Variants in TMEM272 observed in about 807,000 individuals in gnomAD.
TMEM272 encodes transmembrane protein 272, also known as long intergenic non-protein coding RNA 282.
Under a neutral mutation model 3.7 loss-of-function variants are expected in TMEM272, and 8 were observed. The observed-to-expected ratio is 2.17, with a 90% CI of 1.27 to 3.91. The LOEUF (loss-of-function observed/expected upper bound fraction) is 3.91, where lower values mean the gene tolerates loss of function less well. Among genes scored for constraint, TMEM272 ranks in the 30% most tolerant of loss-of-function variants. TMEM272 has a pLI of 0.00. For synonymous variants in TMEM272, 63 were observed against 39.8 expected (o/e 1.58, Z -2.20); for missense variants, 166 against 91.5 (o/e 1.81, Z -3.32).
the TMEM272 span, among the ~76,000 whole-genome samples, chr13:51,854,849 T>C: frequency 6.6e-6 from 1 of 152,356 alleles, no homozygotes; most frequent in South Asian, 2.1e-4. Flanking sequence ...TTGGGCCTTT[T>C]GGTCAGGTCA....
At chr13:51,849,171 G>A (rs1200985410), upstream of TMEM272, among the ~76,000 whole-genome samples, 1 of 152,202 alleles carries the variant, frequency 6.6e-6, no homozygotes, top group Non-Finnish European at 1.5e-5. Context: ...CAGTCAGGAA[G>A]AAGAAGAGTT....
intron 2 of TMEM272, among the ~76,000 whole-genome samples, chr13:51,835,226 TTC>T (rs775249955): frequency 4.6e-5 from 6 of 130,782 alleles, no homozygotes; most frequent in South Asian, 2.4e-4. Context: ...TTTATTTTCT[TTC>T]TTTTTTTTTT....
intron 3 of TMEM272, among the ~76,000 whole-genome samples, 156 bp from the exon 4 acceptor site, chr13:51,822,293 C>G (rs978361499): frequency 1.3e-5 from 2 of 152,174 alleles, no homozygotes. Flanking sequence ...ACCTGATCCT[C>G]AGGAAGCTCA....
chr13:51,910,155 T>G, the TMEM272 span: 1 of 1,046,232 alleles, frequency 9.6e-7, no homozygotes, highest in Admixed American at 1.7e-5. Flanking sequence ...ATGTTTAGAT[T>G]TCTCTTCTTT....
intron 4 of TMEM272, among the ~76,000 whole-genome samples, chr13:51,818,210 C>T (rs1956050717): frequency 6.6e-6 from 1 of 152,116 alleles, no homozygotes; most frequent in African/African-American, 2.4e-5. Context: ...GGGAGAGATG[C>T]TGAGCTTGAG....
At chr13:51,930,964 G>GA in the TMEM272 span, among the ~76,000 whole-genome samples, 1 of 151,188 alleles carries the variant, frequency 6.6e-6, no homozygotes. Flanking sequence ...TGTCATTTTT[G>GA]AAAAAAAATG....
the TMEM272 span, among the ~76,000 whole-genome samples, chr13:51,917,058 C>A: frequency 6.6e-6 from 1 of 152,322 alleles, no homozygotes; most frequent in South Asian, 2.1e-4. Flanking sequence ...CCCTAGCTGC[C>A]CATCTGCTGA....
chr13:51,893,678 C>T, the TMEM272 span, among the ~76,000 whole-genome samples: 2 of 152,044 alleles, frequency 1.3e-5, no homozygotes, highest in African/African-American at 2.4e-5. Context: ...GCTGAAGACT[C>T]GATCACCAGG....
the TMEM272 span, among the ~76,000 whole-genome samples, chr13:51,915,966 G>A: frequency 1.3e-5 from 2 of 152,058 alleles, no homozygotes; most frequent in African/African-American, 4.8e-5. Context: ...CCAGCTACTC[G>A]GGAGGCCGAG....
chr13:51,828,667 A>G (rs1956147536), intron 2 of TMEM272, among the ~76,000 whole-genome samples: 1 of 152,206 alleles, frequency 6.6e-6, no homozygotes, highest in Non-Finnish European at 1.5e-5. Context: ...TTGAAATTCT[A>G]AATAAATTTC....
At chr13:51,883,693 T>G in the TMEM272 span, among the ~76,000 whole-genome samples, 6 of 152,212 alleles carry the variant, frequency 3.9e-5, no homozygotes, top group African/African-American at 1.4e-4. Context: ...TTTTCAGGCT[T>G]TAAACTGTCT....
the TMEM272 span, among the ~76,000 whole-genome samples, chr13:51,924,443 G>A: frequency 2.0e-5 from 3 of 152,058 alleles, no homozygotes; most frequent in Admixed American, 2.0e-4. Context: ...CCCAGGAGAG[G>A]GGGTGCTGGG....
chr13:51,890,873 T>C, the TMEM272 span, among the ~76,000 whole-genome samples: 1 of 152,220 alleles, frequency 6.6e-6, no homozygotes, highest in African/African-American at 2.4e-5. Context: ...AATCTTTGGA[T>C]AGGTTACTGT....
chr13:51,902,142 G>T, the TMEM272 span, among the ~76,000 whole-genome samples: 1 of 152,302 alleles, frequency 6.6e-6, no homozygotes, highest in Admixed American at 6.5e-5. Context: ...AACGTGCATT[G>T]GATGAAAGAA....
chr13:51,923,137 A>C, the TMEM272 span, among the ~76,000 whole-genome samples: 4 of 152,154 alleles, frequency 2.6e-5, no homozygotes, highest in African/African-American at 9.7e-5. Flanking sequence ...AGCTGGCTGG[A>C]TGATTCTTGG....
At chr13:51,860,112 C>T in the TMEM272 span, among the ~76,000 whole-genome samples, 1 of 152,128 alleles carries the variant, frequency 6.6e-6, no homozygotes, top group Non-Finnish European at 1.5e-5. Flanking sequence ...TGGCTGGTCT[C>T]AAACTCCTAC....
the TMEM272 span, among the ~76,000 whole-genome samples, chr13:51,850,852 T>C: frequency 6.6e-6 from 1 of 152,212 alleles, no homozygotes; most frequent in East Asian, 1.9e-4. Context: ...TGTTTCAAAG[T>C]AACAGTACAG....
the TMEM272 span, among the ~76,000 whole-genome samples, chr13:51,871,748 G>A: frequency 6.6e-6 from 1 of 150,836 alleles, no homozygotes; most frequent in South Asian, 2.1e-4. Context: ...AAGTTTTAGG[G>A]TAATTTGTTA....
chr13:51,926,250 G>A, the TMEM272 span, among the ~76,000 whole-genome samples: 1 of 152,160 alleles, frequency 6.6e-6, no homozygotes, highest in East Asian at 1.9e-4. Flanking sequence ...CATGGGCTCA[G>A]GACTTCCCTG....
Sources: allele counts gnomAD v4.1 joint callset (sites outside exome capture counted in the v4.1 genomes callset), GRCh38; gene constraint gnomAD v4.1.1; transcripts MANE v1.5; gene names NCBI Gene and HGNC (gene_info 2026-07-23, HGNC 2026-07-21).